The following CNNM2 variants were observed in gnomAD, a reference collection of about 807,000 sequenced individuals.
The protein encoded by CNNM2 is cyclin and CBS domain divalent metal cation transport mediator 2, also known as metal transporter CNNM2.
Under a neutral mutation model 66.9 loss-of-function variants are expected in CNNM2, and 12 were observed. The ratio of observed to expected loss-of-function variants is 0.18; its 90% confidence interval spans 0.11 to 0.29. The LOEUF is 0.29. CNNM2 is among the 10% of genes least tolerant of loss of function. CNNM2 has a pLI of 1.00. For missense variants in CNNM2, 705 were observed against 1,167.7 expected (o/e 0.60, Z 5.77); for synonymous variants, 557 against 501.8 (o/e 1.11, Z -1.47).
intron 1 of CNNM2, among the ~76,000 whole-genome samples, chr10:102,945,086 T>C (rs992019930): frequency 2.6e-5 from 4 of 151,970 alleles, no homozygotes; most frequent in African/African-American, 9.7e-5. Context: ...ATATCCTGTA[T>C]CCCCCACAAA....
chr10:103,042,023 C>A (rs551954419), intron 1 of CNNM2, among the ~76,000 whole-genome samples: 1 of 152,332 alleles, frequency 6.6e-6, no homozygotes, highest in Admixed American at 6.5e-5. Context: ...ATCTATCTGA[C>A]ATTTCTACTA....
chr10:103,052,501 T>C (rs1054475176), intron 2 of CNNM2, among the ~76,000 whole-genome samples: 13 of 147,870 alleles, frequency 8.8e-5, no homozygotes, highest in Admixed American at 2.1e-4. Flanking sequence ...GCTGGACTTG[T>C]GGTTTCAGGT....
rs34854394 is a variant in CNNM2 at position 102,928,582 on chromosome 10, C to CA, written c.1621+8498dup. On this transcript the variant is annotated intron_variant, in intron 1 of 7. Coordinates refer to ENST00000369878, the MANE Select transcript of CNNM2 (RefSeq NM_017649.5). ...GGGCAACAAGAGTGAAACTCTGTCT[C>CA]AAAAAAAAAAAAAAAAAGAAATTTA... Among the ~76,000 whole-genome samples the CA allele has an allele frequency of 4.4e-3, 532 of 120,996 alleles. 2 individuals are homozygous for CA. The highest frequency in any genetic ancestry group is 0.013 in the East Asian group (50 of 3,950). 79.4% of individuals were successfully genotyped at this position (120,996 alleles called of 152,430 possible). A position where few individuals can be genotyped will look rare whatever the true frequency, so the allele number is the denominator to read the frequency against.
At chr10:102,939,676 G>A (rs958926172) in intron 1 of CNNM2, among the ~76,000 whole-genome samples, 6 of 152,106 alleles carry the variant, frequency 3.9e-5, no homozygotes, top group Admixed American at 1.3e-4. Flanking sequence ...CATGTATTTA[G>A]CATCATAATA....
intron 1 of CNNM2, among the ~76,000 whole-genome samples, chr10:102,946,472 T>C (rs1846621258): frequency 6.6e-6 from 1 of 152,200 alleles, no homozygotes; most frequent in African/African-American, 2.4e-5. Context: ...TAATTGAACT[T>C]GTATATTGAC....
chr10:103,050,947 A>G (rs1427760767), intron 2 of CNNM2, among the ~76,000 whole-genome samples: 1 of 152,176 alleles, frequency 6.6e-6, no homozygotes, highest in African/African-American at 2.4e-5. Flanking sequence ...CAAGGGTTCC[A>G]TAAAGCCAGA....
intron 2 of CNNM2, among the ~76,000 whole-genome samples, chr10:103,052,558 G>A (rs1226076795): frequency 6.6e-6 from 1 of 150,904 alleles, no homozygotes; most frequent in Non-Finnish European, 1.5e-5. Context: ...CTATTGCCCA[G>A]GCTGGAGTGC....
intron 1 of CNNM2, among the ~76,000 whole-genome samples, chr10:103,011,405 A>T (rs1261325331): frequency 6.6e-6 from 1 of 152,144 alleles, no homozygotes; most frequent in African/African-American, 2.4e-5. Flanking sequence ...GTAAGCTGAG[A>T]TTGTGCCACT....
In CNNM2 at chr10:102,919,270, C is replaced by T; in HGVS notation, c.790C>T (p.Leu264=). The change falls in exon 1 of 8, where the codon CTG becomes TTG. Residue 264 remains leucine, a synonymous_variant. Transcript: ENST00000369878. The stretch of plus-strand genomic sequence containing the variant: ...CTGGCTGCAGGTGATCTTCATTTCG[C>T]TGCTGCTGTGCCTGTCGGGCATGTT... ...PFWLQVIFIS[L]LLCLSGMFSG... is the part of the protein sequence containing the mutation. 6.2e-7 allele frequency: 1 copy of T among 1,613,886 alleles called. No homozygotes were observed. Among genetic ancestry groups the T allele is most frequent in the Non-Finnish European group, 8.5e-7 (1 of 1,180,038 alleles).
At chr10:103,074,825 C>T (rs887962280) in intron 6 of CNNM2, among the ~76,000 whole-genome samples, 3 of 152,094 alleles carry the variant, frequency 2.0e-5, no homozygotes, top group African/African-American at 7.2e-5. Flanking sequence ...TAAAGCAAGA[C>T]CCTGTCTCAA....
chr10:103,033,858 T>C (rs1375128300), intron 1 of CNNM2, among the ~76,000 whole-genome samples: 1 of 152,202 alleles, frequency 6.6e-6, no homozygotes, highest in African/African-American at 2.4e-5. Context: ...TGAAGGAATC[T>C]ATAATAGAGA....
chr10:103,009,674 CAAAAAA>C (rs36096913), intron 1 of CNNM2, among the ~76,000 whole-genome samples: 7 of 58,614 alleles, frequency 1.2e-4, no homozygotes, highest in African/African-American at 3.6e-4. Flanking sequence ...CCTGAGTCTC[CAAAAAA>C]AAAAAAAAAA....
In CNNM2 at chr10:103,054,359, A is replaced by T; in HGVS notation, c.1796A>T (p.His599Leu). The stretch of plus-strand genomic sequence containing the variant: ...AACAGAACGAAAAAGAAAGTGGCTC[A>T]CCGGGAACGAAAGCAAGATTTTTCT... ...TDNRTKKKVA[H>L]RERKQDFSAF... Residue 599 changes from histidine (H) to leucine (L), a missense_variant, in exon 3 of 8, where the codon CAC becomes CTC. Physicochemically the swap from His to Leu is moderately conservative, Grantham distance 99 (BLOSUM62 -3). Coordinates refer to ENST00000369878, the MANE Select transcript of CNNM2 (RefSeq NM_017649.5). This position sits in a 1 kb window ranked among gnomAD's most constrained non-coding sequence, Gnocchi z 5.2. 1 of 1,613,902 alleles carries T rather than the reference A, an allele frequency of 6.2e-7. No individual in the cohort carries two copies. Among genetic ancestry groups the T allele is most frequent in the Non-Finnish European group, 8.5e-7 (1 of 1,179,852 alleles).
At position 102,919,512 on chromosome 10, in the gene CNNM2, C is replaced by T. The variant is rs1182646777; in HGVS notation, c.1032C>T (p.Ala344=). The change falls in exon 1 of 8, where the codon GCC becomes GCT. Residue 344 remains alanine, a synonymous_variant. Transcript: ENST00000369878. Reference sequence around the variant, plus strand: ...ACATCGCCGGCTCGGGCCTCGTGGCCGTGGTAGTCTCCACCATCGGTATCG... The same window carrying T: ...ACATCGCCGGCTCGGGCCTCGTGGCTGTGGTAGTCTCCACCATCGGTATCG... The part of the protein sequence containing the change: ...LDDIAGSGLV[A]VVVSTIGIVI... 6.8e-6 allele frequency: 11 copies of T among 1,612,964 alleles called. No homozygotes were observed. The highest frequency in any genetic ancestry group is 1.6e-4 in the Middle Eastern group (1 of 6,062).
intron 1 of CNNM2, among the ~76,000 whole-genome samples, chr10:102,951,364 T>A (rs959469318): frequency 6.6e-6 from 1 of 151,914 alleles, no homozygotes; most frequent in Admixed American, 6.6e-5. Context: ...GCCCTGATAA[T>A]TTTTGTATTT....
intron 1 of CNNM2, among the ~76,000 whole-genome samples, chr10:102,979,019 TC>T (rs374326678): frequency 7.9e-5 from 12 of 152,320 alleles, no homozygotes; most frequent in African/African-American, 2.9e-4. Context: ...TATCCATTCT[TC>T]CATTCTGCTA....
intron 1 of CNNM2, among the ~76,000 whole-genome samples, chr10:102,951,952 C>T (rs191632803): frequency 2.3e-4 from 35 of 152,086 alleles, no homozygotes; most frequent in Admixed American, 1.9e-3. Context: ...CACAGGCATG[C>T]GCCACCACAC....
At chr10:103,042,140 A>C (rs1351209696) in intron 1 of CNNM2, among the ~76,000 whole-genome samples, 1 of 152,200 alleles carries the variant, frequency 6.6e-6, no homozygotes, top group Non-Finnish European at 1.5e-5. Context: ...TGCTCAGGCC[A>C]AAAAGCAAGT....
At chr10:102,924,085 A>G (rs187689104) in intron 1 of CNNM2, among the ~76,000 whole-genome samples, 1 of 152,356 alleles carries the variant, frequency 6.6e-6, no homozygotes, top group East Asian at 1.9e-4. Flanking sequence ...GTAGTTACTT[A>G]CAAGTCTAAA....
Sources: allele counts gnomAD v4.1 joint callset (sites outside exome capture counted in the v4.1 genomes callset), GRCh38; gene constraint gnomAD v4.1.1; non-coding constraint Gnocchi (gnomAD v3.1); transcripts MANE v1.5; gene names NCBI Gene and HGNC (gene_info 2026-07-23, HGNC 2026-07-21).